Variants in ALDH2 observed in about 807,000 individuals in gnomAD.
The protein encoded by ALDH2 is aldehyde dehydrogenase 2 family member, also known as aldehyde dehydrogenase, mitochondrial.
Under a neutral mutation model 59.6 loss-of-function variants are expected in ALDH2, and 44 were observed. The observed-to-expected ratio is 0.74, with a 90% CI of 0.58 to 0.95. The LOEUF (loss-of-function observed/expected upper bound fraction) is 0.95, where lower values mean the gene tolerates loss of function less well. ALDH2 is among the 40% of genes least tolerant of loss of function. The pLI is 0.00. For synonymous variants in ALDH2, 291 were observed against 284.0 expected, an observed-to-expected ratio of 1.02 and a Z score of -0.25; for missense variants, 570 against 696.3, an observed-to-expected ratio of 0.82 and a Z score of 2.04.
intron 1 of ALDH2, among the ~76,000 whole-genome samples, chr12:111,774,998 GGCGAT>G (rs2068225105): frequency 1.3e-5 from 2 of 152,214 alleles, no homozygotes; most frequent in African/African-American, 4.8e-5. Flanking sequence ...TTGCTGGAAT[GGCGAT>G]CACTTGTCCT....
chr12:111,796,334 A>T (rs1566191607), intron 9 of ALDH2, among the ~76,000 whole-genome samples: 3 of 149,400 alleles, frequency 2.0e-5, no homozygotes, highest in Admixed American at 1.3e-4. Flanking sequence ...AAAATAAATA[A>T]TTTTTTTTTT....
At chr12:111,772,404 G>A (rs537204951) in intron 1 of ALDH2, among the ~76,000 whole-genome samples, 6 of 152,120 alleles carry the variant, frequency 3.9e-5, no homozygotes, top group Middle Eastern at 3.4e-3. Flanking sequence ...TCACTCTGTC[G>A]CCCGGGCTGG....
chr12:111,798,370 C>A, intron 10 of ALDH2, 128 bp downstream of exon 10: 1 of 986,616 alleles, frequency 1.0e-6, no homozygotes, highest in Non-Finnish European at 1.4e-6. Context: ...TACCCAGAAC[C>A]AGTGCCCATA....
chr12:111,790,560 G>C lies in ALDH2; in HGVS notation c.679G>C (p.Glu227Gln), dbSNP rs1269576058. The C allele has an allele frequency of 1.2e-6, 2 of 1,614,160 alleles. No homozygotes were observed. Among genetic ancestry groups the C allele is most frequent in the South Asian group, 1.1e-5 (1 of 91,078 alleles). ...CCTCTATGTGGCCAACCTGATCAAG[G>C]AGGTGCGTGGCTTATCCTGGTCTTA... ...TALYVANLIK[E>Q]AGFPPGVVNI... is the part of the protein sequence containing the mutation. Residue 227 changes from glutamate to glutamine, a missense_variant and splice_region_variant, in exon 6 of 13, where the codon GAG becomes CAG. Coordinates refer to ENST00000261733, the MANE Select transcript of ALDH2 (RefSeq NM_000690.4).
chr12:111,791,561 G>T, intron 7 of ALDH2, 142 bp downstream of exon 7: 1 of 663,086 alleles, frequency 1.5e-6, no homozygotes, highest in Non-Finnish European at 2.6e-6. Context: ...ACCAGGAGGG[G>T]TGGGGCAGGG....
In ALDH2 at chr12:111,803,955, A is replaced by G. The variant is rs1436104754; in HGVS notation, c.1503A>G (p.Ala501=). 6.2e-7 allele frequency: 1 copy of G among 1,610,770 alleles called. No homozygotes were observed. The highest frequency in any genetic ancestry group is 8.5e-7 in the Non-Finnish European group (1 of 1,178,370). ...AGTTGGGCGAGTACGGGCTGCAGGC[A>G]TACACTGAAGTGAAAACTGTGAGTG... ...GRELGEYGLQ[A]YTEVKTVTVK... The change falls in exon 12 of 13, where the codon GCA becomes GCG. Residue 501 remains alanine (A), a synonymous_variant. Transcript: ENST00000261733.
chr12:111,781,917 G>T lies in ALDH2; in HGVS notation c.115-1G>T. 1 of 1,611,692 alleles carries T rather than the reference G, an allele frequency of 6.2e-7. No homozygotes were observed. Among genetic ancestry groups the T allele is most frequent in the Non-Finnish European group, 8.5e-7 (1 of 1,178,250 alleles). ...GAGAACTTCTTTCCTTCTCATTGTA[G>T]ATTTTCATAAACAATGAATGGCACG... On this transcript the variant is annotated splice_acceptor_variant, in intron 1 of 12. Transcript: ENST00000261733. LOFTEE classifies it high-confidence loss of function.
intron 1 of ALDH2, among the ~76,000 whole-genome samples, chr12:111,778,836 A>G (rs961022505): frequency 1.5e-5 from 2 of 131,856 alleles, no homozygotes; most frequent in Non-Finnish European, 3.1e-5. Flanking sequence ...CTGTCTCAGG[A>G]AAAAAAAAAA....
chr12:111,776,096 A>G (rs967977048), intron 1 of ALDH2, among the ~76,000 whole-genome samples: 2 of 152,152 alleles, frequency 1.3e-5, no homozygotes, highest in East Asian at 3.8e-4. Flanking sequence ...ATCCTAATCT[A>G]AATCAGAGGG....
intron 11 of ALDH2, 62 bp from the exon 12 acceptor site, chr12:111,803,797 G>T: frequency 8.1e-7 from 1 of 1,237,486 alleles, no homozygotes; most frequent in Non-Finnish European, 1.1e-6. Context: ...AATACAGGGG[G>T]TCCTGGGAGT....
Position 111,790,554 on chromosome 12 carries a change from A to T in ALDH2, c.673A>T (p.Ile225Phe). The T allele has an allele frequency of 6.2e-7, 1 of 1,614,086 alleles. No individual in the cohort carries two copies. The highest frequency in any genetic ancestry group is 8.5e-7 in the Non-Finnish European group (1 of 1,180,014). ...CACCGCCCTCTATGTGGCCAACCTG[A>T]TCAAGGAGGTGCGTGGCTTATCCTG... is the stretch of plus-strand genomic sequence containing the variant. ...PLTALYVANL[I>F]KEAGFPPGVV... The change falls in exon 6 of 13, where the codon ATC becomes TTC. Residue 225 changes from isoleucine (I) to phenylalanine (F), a missense_variant. Physicochemically the swap from Ile to Phe is conservative, Grantham distance 21. Coordinates refer to ENST00000261733, the MANE Select transcript of ALDH2 (RefSeq NM_000690.4).
Position 111,773,454 on chromosome 12 carries a change from C to T in ALDH2, c.114+6358C>T, listed in dbSNP as rs535393932. Among the ~76,000 whole-genome samples the T allele has an allele frequency of 2.6e-5, 4 of 152,282 alleles. No homozygotes were observed. In the East Asian group the frequency reaches 5.8e-4, roughly 22 times the overall value. On this transcript the variant is annotated intron_variant, in intron 1 of 12. Transcript: ENST00000261733. ...CCCTGCTCCAGTAATCATGATTATTCATCACCTATTTTCCATCAGGCCCTC... is the reference window on the plus strand; with the variant it reads ...CCCTGCTCCAGTAATCATGATTATTTATCACCTATTTTCCATCAGGCCCTC...
chr12:111,785,353 G>T lies in ALDH2; in HGVS notation c.440+7G>T. On this transcript the variant is annotated splice_region_variant and intron_variant, in intron 4 of 12. Transcript: ENST00000261733. ...TGGTCCTCAAATGTCTCCGGTATGG[G>T]CTCAGCTTTCCTGTTCTTTGTTCTG... 1 of 1,611,378 alleles carries T rather than the reference G, an allele frequency of 6.2e-7. No individual in the cohort carries two copies. Among genetic ancestry groups the T allele is most frequent in the Non-Finnish European group, 8.5e-7 (1 of 1,177,542 alleles).
intron 2 of ALDH2, among the ~76,000 whole-genome samples, 177 bp from the exon 3 acceptor site, chr12:111,782,981 C>T (rs930432454): frequency 6.6e-6 from 1 of 152,204 alleles, no homozygotes; most frequent in African/African-American, 2.4e-5. Flanking sequence ...TATTCAACCC[C>T]ATTGCTGAAG....
At chr12:111,808,472 A>G (rs1303409214) in intron 12 of ALDH2, among the ~76,000 whole-genome samples, 1 of 152,168 alleles carries the variant, frequency 6.6e-6, no homozygotes, top group Non-Finnish European at 1.5e-5. Context: ...TGGGACACTG[A>G]GGCAGGTGAA....
intron 10 of ALDH2, 132 bp from the exon 11 acceptor site, chr12:111,799,774 C>A: frequency 8.9e-7 from 1 of 1,127,540 alleles, no homozygotes; most frequent in Non-Finnish European, 1.2e-6. Context: ...TGGCTGTTGT[C>A]TTCCCCTGGA....
Position 111,800,024 on chromosome 12 carries a change from C to T in ALDH2, c.1367C>T (p.Ala456Val), listed in dbSNP as rs1227548302. 1.2e-6 allele frequency: 2 copies of T among 1,613,660 alleles called. No homozygotes were observed. The highest frequency in any genetic ancestry group is 2.2e-5 in the East Asian group (1 of 44,884). Reference protein sequence around the residue: ...AAVFTKDLDKANYLSQALQAG... With the variant: ...AAVFTKDLDKVNYLSQALQAG... ...GTCTTCACAAAGGATTTGGACAAGG[C>T]CAATTACCTGTCCCAGGCCCTCCAG... The change falls in exon 11 of 13, where the codon GCC becomes GTC. Residue 456 changes from alanine to valine, a missense_variant. Coordinates refer to ENST00000261733, the MANE Select transcript of ALDH2 (RefSeq NM_000690.4).
intron 6 of ALDH2, 140 bp from the exon 7 acceptor site, chr12:111,791,164 AGT>A: frequency 1.6e-6 from 1 of 641,050 alleles, no homozygotes; most frequent in South Asian, 1.9e-5. Context: ...ATTCCCATGT[AGT>A]GCCCCATACA....
intron 11 of ALDH2, 88 bp from the exon 12 acceptor site, chr12:111,803,771 A>T: frequency 1.2e-6 from 1 of 855,892 alleles, no homozygotes; most frequent in Non-Finnish European, 1.6e-6. Context: ...TAAAAATAAA[A>T]TAAAGACTTT....
Sources: gnomAD v4.1 joint callset for allele counts (sites outside exome capture counted in the v4.1 genomes callset) on GRCh38, gnomAD v4.1.1 for gene constraint, MANE v1.5 for transcripts, NCBI Gene and HGNC (gene_info 2026-07-23, HGNC 2026-07-21) for gene names.